Variants in MED13L observed in about 807,000 individuals in gnomAD.
MED13L encodes the protein mediator complex subunit 13L, also known as mediator of RNA polymerase II transcription subunit 13-like.
MED13L carries 7 observed loss-of-function variants against 220.9 expected under a neutral mutation model. The observed-to-expected ratio is 0.03, with a 90% CI of 0.02 to 0.06. The LOEUF (loss-of-function observed/expected upper bound fraction) is 0.06, where lower values mean the gene tolerates loss of function less well. Ranked by LOEUF, MED13L falls within the 10% of genes least tolerant of loss-of-function variation. MED13L has a pLI of 1.00. For synonymous variants in MED13L, 1,011 were observed against 1,015.2 expected, an observed-to-expected ratio of 1.00 and a Z score of 0.08; for missense variants, 1,965 against 2,760.5, an observed-to-expected ratio of 0.71 and a Z score of 6.46.
chr12:116,198,224 A>G (rs1169642541), intron 2 of MED13L, among the ~76,000 whole-genome samples: 1 of 152,174 alleles, frequency 6.6e-6, no homozygotes, highest in Non-Finnish European at 1.5e-5. Flanking sequence ...TTAGGTCTCA[A>G]CTGTACCATC....
chr12:116,188,623 C>G (rs770218493), intron 2 of MED13L, among the ~76,000 whole-genome samples: 1 of 152,140 alleles, frequency 6.6e-6, no homozygotes, highest in Non-Finnish European at 1.5e-5. Flanking sequence ...TCTTCCAAAA[C>G]CGTAGTACAA....
intron 1 of MED13L, among the ~76,000 whole-genome samples, chr12:116,268,792 G>C (rs758043516): frequency 6.6e-6 from 1 of 152,052 alleles, no homozygotes; most frequent in Non-Finnish European, 1.5e-5. Flanking sequence ...TATTTTATTT[G>C]AAACAAGTCT....
At chr12:115,973,634 G>C (rs1876736918) in intron 25 of MED13L, among the ~76,000 whole-genome samples, 1 of 151,944 alleles carries the variant, frequency 6.6e-6, no homozygotes. Flanking sequence ...TTTCCCCAAG[G>C]GTTAAGAATA....
chr12:115,984,386 C>T lies in MED13L; in HGVS notation c.4339-14G>A. ...AAGCCTACACATCTGATATCATAGA[C>T]AAGATCATTAGTTATAACAGGAGCC... On this transcript the variant is annotated splice_polypyrimidine_tract_variant and intron_variant, in intron 19 of 30. Transcript: ENST00000281928. The T allele has an allele frequency of 6.2e-7, 1 of 1,613,752 alleles. No individual in the cohort carries two copies. Among genetic ancestry groups the T allele is most frequent in the Admixed American group, 1.7e-5 (1 of 60,004 alleles).
chr12:116,001,424 T>G (rs1170885740), intron 14 of MED13L, among the ~76,000 whole-genome samples: 4 of 152,230 alleles, frequency 2.6e-5, no homozygotes, highest in Non-Finnish European at 5.9e-5. Context: ...CTCCAACTCC[T>G]GACCTCAAGT....
intron 4 of MED13L, among the ~76,000 whole-genome samples, chr12:116,092,292 G>T (rs1872291902): frequency 2.0e-5 from 3 of 152,150 alleles, no homozygotes; most frequent in African/African-American, 7.2e-5. Flanking sequence ...CTAGACTAGG[G>T]ATCCCTTCTC....
At chr12:116,128,616 T>C (rs1875803855) in intron 2 of MED13L, among the ~76,000 whole-genome samples, 1 of 152,234 alleles carries the variant, frequency 6.6e-6, no homozygotes, top group South Asian at 2.1e-4. Flanking sequence ...TAACTCTTTA[T>C]TCTCTTTCCT....
At chr12:116,020,419 C>A (rs1281962974) in intron 5 of MED13L, among the ~76,000 whole-genome samples, 1 of 152,176 alleles carries the variant, frequency 6.6e-6, no homozygotes, top group Non-Finnish European at 1.5e-5. Context: ...AGAAGAAAAT[C>A]ATTCAACATG....
chr12:116,105,703 C>T lies in MED13L; in HGVS notation c.395+5725G>A, dbSNP rs533335915. On this transcript the variant is annotated intron_variant, in intron 3 of 30. Coordinates refer to ENST00000281928, the MANE Select transcript of MED13L (RefSeq NM_015335.5). Reference sequence around the variant, plus strand: ...TGGAAGACAGATTACAGTAACAGAACGGGAAGATAACTCAATTAATAGGTA... The same window carrying T: ...TGGAAGACAGATTACAGTAACAGAATGGGAAGATAACTCAATTAATAGGTA... Among the ~76,000 whole-genome samples the T allele has an allele frequency of 3.3e-5, 5 of 152,170 alleles. No individual in the cohort carries two copies. The East Asian group carries it at 9.7e-4, about 29-fold the overall frequency.
chr12:115,987,843 C>G (rs950137845), intron 17 of MED13L, among the ~76,000 whole-genome samples: 2 of 152,192 alleles, frequency 1.3e-5, no homozygotes, highest in Non-Finnish European at 2.9e-5. Flanking sequence ...GACCGAAGTC[C>G]GCTGCAGGCA....
In MED13L at chr12:115,997,222, C is replaced by A; in HGVS notation, c.2578G>T (p.Asp860Tyr). Residue 860 changes from aspartate to tyrosine, a missense_variant, in exon 15 of 31, where the codon GAC becomes TAC. Asp to Tyr is a radical substitution (Grantham distance 160). This residue lies in a region of MED13L where 9 missense variants were observed against 39.6 expected (regional missense o/e 0.23). Transcript: ENST00000281928. ...GGAGTGGGAAACATCCTTTGCAAGT[C>A]TGCAACTGCTAAAAATAAGAAATAA... ...AAVPYPPTVADLQRMFPTPPS... is the reference protein window; with the variant it reads ...AAVPYPPTVAYLQRMFPTPPS... 6.2e-7 allele frequency: 1 copy of A among 1,613,950 alleles called. No individual in the cohort carries two copies. Among genetic ancestry groups the A allele is most frequent in the Non-Finnish European group, 8.5e-7 (1 of 1,179,940 alleles).
intron 3 of MED13L, among the ~76,000 whole-genome samples, chr12:116,108,178 T>G (rs1314805070): frequency 6.6e-6 from 1 of 151,528 alleles, no homozygotes. Context: ...CTTATCTGAA[T>G]AGAAATGAAA....
chr12:115,977,138 G>GT (rs1876994674), intron 23 of MED13L, among the ~76,000 whole-genome samples: 1 of 152,184 alleles, frequency 6.6e-6, no homozygotes, highest in Admixed American at 6.5e-5. Flanking sequence ...GGGCGACAGA[G>GT]TAAGACCCTG....
chr12:116,237,836 C>T, intron 1 of MED13L, 131 bp from the exon 2 acceptor site: 1 of 827,450 alleles, frequency 1.2e-6, no homozygotes, highest in Non-Finnish European at 2.0e-6. Flanking sequence ...AAGATTCCTC[C>T]CAGTGAAGAA....
rs1434530913 is a variant in MED13L, at chr12:116,131,854, G to A, written c.311-20342C>T. 2.0e-5 allele frequency among the ~76,000 whole-genome samples: 3 copies of A among 152,034 alleles called. No homozygotes were observed. In the South Asian group the frequency reaches 6.2e-4, roughly 32 times the overall value. The stretch of plus-strand genomic sequence containing the variant: ...AAGTTAGCTGGGAGTGGTGGCACAC[G>A]CCTGTAGTCTCAGCTTACTCAGAAG... On this transcript the variant is annotated intron_variant, in intron 2 of 30. Coordinates refer to ENST00000281928, the MANE Select transcript of MED13L (RefSeq NM_015335.5).
At chr12:116,205,932 C>T (rs1443687251) in intron 2 of MED13L, among the ~76,000 whole-genome samples, 1 of 129,610 alleles carries the variant, frequency 7.7e-6, no homozygotes, top group Non-Finnish European at 1.5e-5. Flanking sequence ...CACTGCATAA[C>T]TAAAAACTTG....
At chr12:116,020,815 G>C (rs1048277995) in intron 5 of MED13L, among the ~76,000 whole-genome samples, 15 of 152,194 alleles carry the variant, frequency 9.9e-5, no homozygotes, top group African/African-American at 3.6e-4. Flanking sequence ...GAAGATAAAG[G>C]CCACTTTTTC....
chr12:116,128,814 A>C (rs767939219), intron 2 of MED13L, among the ~76,000 whole-genome samples: 1 of 152,226 alleles, frequency 6.6e-6, no homozygotes, highest in Non-Finnish European at 1.5e-5. Flanking sequence ...GCATGTAAAC[A>C]AGAATAGGGC....
In MED13L at chr12:115,964,128, C is replaced by T. The variant is rs181234707; in HGVS notation, c.6388-609G>A. On this transcript the variant is annotated intron_variant, in intron 29 of 30. Transcript: ENST00000281928. Reference sequence around the variant, plus strand: ...ACAAACCAACCCCCAAAAAACCCTCCCCACAAAAAAACAAATATTGTATTA... The same window carrying T: ...ACAAACCAACCCCCAAAAAACCCTCTCCACAAAAAAACAAATATTGTATTA... Among the ~76,000 whole-genome samples, 22 of 152,046 alleles carry T rather than the reference C, an allele frequency of 1.4e-4. No homozygotes were observed. In the East Asian group the frequency reaches 3.5e-3, roughly 24 times the overall value.
Sources: allele counts gnomAD v4.1 joint callset (sites outside exome capture counted in the v4.1 genomes callset), GRCh38; gene constraint gnomAD v4.1.1; regional missense constraint gnomAD v4.1.1; transcripts MANE v1.5; gene names NCBI Gene and HGNC (gene_info 2026-07-23, HGNC 2026-07-21).